PRSS23: variants seen among roughly 807,000 people sequenced by gnomAD.
The protein encoded by PRSS23 is serine protease 23.
Under a neutral mutation model 34.7 loss-of-function variants are expected in PRSS23, and 25 were observed. The observed-to-expected ratio is 0.72, with a 90% confidence interval of 0.53 to 1.01. PRSS23 has a LOEUF of 1.01. Ranked by LOEUF, PRSS23 falls within the 50% of genes least tolerant of loss-of-function variation. PRSS23 has a pLI of 0.00. For synonymous variants in PRSS23, 176 were observed against 186.6 expected (o/e 0.94, Z 0.46); for missense variants, 445 against 475.6 (o/e 0.94, Z 0.60).
intron 2 of PRSS23, among the ~76,000 whole-genome samples, chr11:86,895,961 A>T (rs184094677): frequency 4.0e-3 from 602 of 152,284 alleles, no homozygotes; most frequent in Middle Eastern, 0.014. Flanking sequence ...TGTATAACAC[A>T]ACTAACTGTT....
At chr11:86,833,757 A>T (rs1343681782) in intron 2 of PRSS23, among the ~76,000 whole-genome samples, 1 of 152,118 alleles carries the variant, frequency 6.6e-6, no homozygotes, top group Non-Finnish European at 1.5e-5. Context: ...CTTCCCACCT[A>T]GGCTTAGGGA....
chr11:86,821,806 G>A (rs1322630488), intron 1 of PRSS23: 6 of 764,714 alleles, frequency 7.8e-6, no homozygotes, highest in African/African-American at 5.2e-5. Context: ...TGCCCCCTCC[G>A]CCATGACCAT....
upstream of PRSS23, chr11:86,800,350 G>A (rs1948015318): frequency 2.8e-6 from 2 of 721,832 alleles, no homozygotes; most frequent in South Asian, 1.2e-4. Context: ...GGGACGCTCG[G>A]CCTCAGGCCC....
intron 2 of PRSS23, among the ~76,000 whole-genome samples, chr11:86,875,818 A>G (rs1318088718): frequency 6.6e-6 from 1 of 152,250 alleles, no homozygotes. Flanking sequence ...AGCCTTTTTT[A>G]TCTTCAGAGA....
chr11:86,872,657 T>G (rs918984033), intron 2 of PRSS23, among the ~76,000 whole-genome samples: 1 of 152,202 alleles, frequency 6.6e-6, no homozygotes, highest in South Asian at 2.1e-4. Context: ...AAAATAAAAT[T>G]TGGAGTTATG....
chr11:86,939,955 CTG>C (rs1318262200), intron 2 of PRSS23, among the ~76,000 whole-genome samples: 2 of 152,114 alleles, frequency 1.3e-5, no homozygotes, highest in Non-Finnish European at 2.9e-5. Flanking sequence ...GCAAAGAAAA[CTG>C]TGTCAAGAAA....
intron 2 of PRSS23, among the ~76,000 whole-genome samples, chr11:86,925,673 C>T (rs146312666): frequency 3.3e-5 from 5 of 152,104 alleles, no homozygotes; most frequent in African/African-American, 4.8e-5. Flanking sequence ...TTGTAACAAC[C>T]AAACAAATTA....
chr11:86,823,327 T>C (rs975316170), intron 1 of PRSS23: 1 of 695,158 alleles, frequency 1.4e-6, no homozygotes, highest in Admixed American at 2.0e-5. Context: ...CCTAATTTAG[T>C]GTAAAGCCAG....
chr11:86,827,722 A>T (rs1394615915), intron 2 of PRSS23, among the ~76,000 whole-genome samples: 28 of 151,766 alleles, frequency 1.8e-4, no homozygotes, highest in African/African-American at 5.6e-4. Context: ...TCAAAGAACA[A>T]CTTTATTTCT....
chr11:86,821,319 CAT>C (rs1441809888), intron 1 of PRSS23: 9 of 650,376 alleles, frequency 1.4e-5, no homozygotes, highest in East Asian at 1.2e-4. Flanking sequence ...TGAAAATAAA[CAT>C]GTGAAAATAT....
At chr11:86,923,430 A>C (rs1949059854) in intron 2 of PRSS23, among the ~76,000 whole-genome samples, 1 of 152,176 alleles carries the variant, frequency 6.6e-6, no homozygotes, top group African/African-American at 2.4e-5. Flanking sequence ...TAATGTGATT[A>C]CTAGAAAATT....
chr11:86,872,877 G>C (rs1173222038), intron 2 of PRSS23, among the ~76,000 whole-genome samples: 1 of 152,050 alleles, frequency 6.6e-6, no homozygotes, highest in Non-Finnish European at 1.5e-5. Context: ...CTATGACAAA[G>C]GGATAATAAC....
At chr11:86,800,495 G>A (rs1948019388), upstream of PRSS23, 6 of 984,276 alleles carry the variant, frequency 6.1e-6, no homozygotes, top group South Asian at 2.8e-4. Flanking sequence ...CTCGGGTGGC[G>A]CGGGGGGCGG....
At chr11:86,892,697 A>G (rs1411711782) in intron 2 of PRSS23, among the ~76,000 whole-genome samples, 1 of 151,118 alleles carries the variant, frequency 6.6e-6, no homozygotes, top group African/African-American at 2.4e-5. Context: ...TGCATGTAAA[A>G]TTACTTGAAT....
chr11:86,829,881 G>T (rs937341766), intron 2 of PRSS23, among the ~76,000 whole-genome samples: 1 of 152,186 alleles, frequency 6.6e-6, no homozygotes, highest in African/African-American at 2.4e-5. Context: ...GGCCGTGTGA[G>T]GTGTCAGTCT....
chr11:86,897,590 A>C (rs1005686814), intron 2 of PRSS23, among the ~76,000 whole-genome samples: 1 of 152,100 alleles, frequency 6.6e-6, no homozygotes, highest in Non-Finnish European at 1.5e-5. Context: ...CTCCTGCCTC[A>C]GCCTCCTGAG....
At chr11:86,873,714 G>A (rs1300672942) in intron 2 of PRSS23, among the ~76,000 whole-genome samples, 1 of 152,174 alleles carries the variant, frequency 6.6e-6, no homozygotes, top group Non-Finnish European at 1.5e-5. Context: ...CACTGATGGT[G>A]AATGTTGCAA....
intron 2 of PRSS23, chr11:86,950,664 C>T (rs1708378739): frequency 5.1e-6 from 1 of 195,768 alleles, no homozygotes; most frequent in Non-Finnish European, 1.1e-5. Flanking sequence ...ACTCTTGTAA[C>T]ACTTTTCTGA....
At position 86,889,028 on chromosome 11, in the gene PRSS23, C is replaced by T. The variant is rs190894160; in HGVS notation, c.207-62188C>T. 2.0e-5 allele frequency among the ~76,000 whole-genome samples: 3 copies of T among 152,294 alleles called. No homozygotes were observed. The East Asian group carries it at 5.8e-4, about 29-fold the overall frequency. ...CCTGATCACTCATGGTGGGGATGTGCCTGTTCCTAATCCTTGGGAGGGGCA... is the reference window on the plus strand; with the variant it reads ...CCTGATCACTCATGGTGGGGATGTGTCTGTTCCTAATCCTTGGGAGGGGCA... On this transcript the variant is annotated intron_variant, in intron 2 of 2. Coordinates refer to the PRSS23 transcript ENST00000533902.
Sources: gnomAD v4.1 joint callset for allele counts (sites outside exome capture counted in the v4.1 genomes callset) on GRCh38, gnomAD v4.1.1 for gene constraint, MANE v1.5 for transcripts, NCBI Gene and HGNC (gene_info 2026-07-23, HGNC 2026-07-21) for gene names.